DEPTOR: variants seen among roughly 807,000 people sequenced by gnomAD.
DEPTOR encodes DEP domain containing MTOR interacting protein, also known as DEP domain-containing mTOR-interacting protein.
In DEPTOR, 41 loss-of-function variants were observed where a neutral mutation model predicts 41.6. That is an observed-to-expected ratio of 0.98 (90% CI 0.77 to 1.28). The LOEUF is 1.28. Among genes scored for constraint, DEPTOR ranks in the 50% most tolerant of loss-of-function variants. The pLI, the probability that DEPTOR is intolerant of heterozygous loss-of-function variation, is 0.00. For synonymous variants in DEPTOR, 195 were observed against 192.3 expected (o/e 1.01, Z -0.12); for missense variants, 514 against 527.9 (o/e 0.97, Z 0.26).
At chr8:119,997,881 A>G (rs1812293963) in intron 4 of DEPTOR, among the ~76,000 whole-genome samples, 1 of 152,228 alleles carries the variant, frequency 6.6e-6, no homozygotes, top group Non-Finnish European at 1.5e-5. Flanking sequence ...TAAATGCGTT[A>G]ATATGATTCT....
chr8:119,984,916 G>A (rs1356773283), intron 4 of DEPTOR, among the ~76,000 whole-genome samples: 5 of 152,200 alleles, frequency 3.3e-5, no homozygotes. Flanking sequence ...GCTGGGCACA[G>A]TGGCTCATGC....
At chr8:120,012,640 A>G (rs969648054) in intron 8 of DEPTOR, among the ~76,000 whole-genome samples, 2 of 151,942 alleles carry the variant, frequency 1.3e-5, no homozygotes, top group African/African-American at 4.8e-5. Context: ...AGGTTCAAGC[A>G]ATTCTCCTGC....
At chr8:119,876,997 G>A (rs1444782596) in intron 1 of DEPTOR, among the ~76,000 whole-genome samples, 4 of 152,196 alleles carry the variant, frequency 2.6e-5, no homozygotes, top group Non-Finnish European at 5.9e-5. Context: ...GGGCAGGAAG[G>A]ATTGGGTGGT....
rs1182094330 is a variant in DEPTOR at position 120,006,813 on chromosome 8, A to T, written c.934A>T (p.Arg312Ter). The T allele has an allele frequency of 6.8e-6, 11 of 1,613,926 alleles. No homozygotes were observed. The highest frequency in any genetic ancestry group is 3.3e-5 in the Admixed American group (2 of 59,972). Residue 312 changes from arginine to a stop codon, truncating the protein, a stop_gained, in exon 7 of 9, where the codon AGA becomes TGA. Coordinates refer to ENST00000286234, the MANE Select transcript of DEPTOR (RefSeq NM_022783.4). LOFTEE classifies it high-confidence loss of function. ...TTGTGTTTGTCTGCCAGTGCTGAAG[A>T]GACCTGTCACCTCTGAGGAACTCCT... ...VLCNPKSVLK[R>*]PVTSEELLTP...
chr8:119,978,977 C>T (rs571631050), intron 4 of DEPTOR, among the ~76,000 whole-genome samples: 1 of 149,644 alleles, frequency 6.7e-6, no homozygotes, highest in Non-Finnish European at 1.5e-5. Context: ...TCCCTGCTCA[C>T]CCCCACTCCA....
At chr8:119,982,008 C>T (rs1252237170) in intron 4 of DEPTOR, among the ~76,000 whole-genome samples, 2 of 93,908 alleles carry the variant, frequency 2.1e-5, no homozygotes, top group Non-Finnish European at 3.9e-5. Flanking sequence ...TGTGAGATTC[C>T]ATCTCTAAAA....
At chr8:119,978,829 C>A (rs1828728080) in intron 4 of DEPTOR, among the ~76,000 whole-genome samples, 1 of 152,182 alleles carries the variant, frequency 6.6e-6, no homozygotes, top group African/African-American at 2.4e-5. Context: ...TGATTCTGAG[C>A]CGCTCACTAT....
At chr8:119,889,674 A>AGG (rs1563957808) in intron 1 of DEPTOR, among the ~76,000 whole-genome samples, 1 of 13,868 alleles carries the variant, frequency 7.2e-5, no homozygotes. Flanking sequence ...GGGAGGGGAG[A>AGG]GGAGGGGAGG....
At chr8:119,916,710 G>A (rs1359986238) in intron 1 of DEPTOR, among the ~76,000 whole-genome samples, 1 of 152,162 alleles carries the variant, frequency 6.6e-6, no homozygotes. Flanking sequence ...GACTTGTTCA[G>A]AAATTACATT....
Position 120,022,157 on chromosome 8 carries a change from T to TAAAAAAAA in DEPTOR, c.1101+13038_1101+13045dup, listed in dbSNP as rs34125548. The stretch of plus-strand genomic sequence containing the variant: ...TGGGTGACAGAGCGAGACCCCATCT[T>TAAAAAAAA]AAAAAAAAAAAAAAAAAAAAAGATG... On this transcript the variant is annotated intron_variant, in intron 8 of 8. Coordinates refer to ENST00000286234, the MANE Select transcript of DEPTOR (RefSeq NM_022783.4). Among the ~76,000 whole-genome samples the TAAAAAAAA allele has an allele frequency of 2.7e-4, 25 of 93,728 alleles. 1 individual carries two copies. The highest frequency in any genetic ancestry group is 7.9e-4 in the African/African-American group (20 of 25,272). The allele number at this position is 93,728 out of a possible 152,430, so 61.5% of individuals were successfully genotyped here. A position where few individuals can be genotyped will look rare whatever the true frequency, so the allele number is the denominator to read the frequency against.
At chr8:119,972,510 C>A (rs1377389159) in intron 4 of DEPTOR, among the ~76,000 whole-genome samples, 1 of 151,824 alleles carries the variant, frequency 6.6e-6, no homozygotes. Flanking sequence ...GTAGTCCCAG[C>A]TACTTGGGAG....
At chr8:120,027,986 G>C (rs1238253936) in intron 8 of DEPTOR, among the ~76,000 whole-genome samples, 1 of 152,146 alleles carries the variant, frequency 6.6e-6, no homozygotes, top group African/African-American at 2.4e-5. Flanking sequence ...GGAGCTTAGA[G>C]ACAGCCTACT....
chr8:120,001,395 C>G (rs1005549345), intron 4 of DEPTOR, 130 bp from the exon 5 acceptor site: 6 of 762,000 alleles, frequency 7.9e-6, no homozygotes, highest in Non-Finnish European at 1.2e-5. Flanking sequence ...GGCGGCAGCT[C>G]ATGTGGCATC....
At position 120,025,011 on chromosome 8, in the gene DEPTOR, G is replaced by A. The variant is rs186874414; in HGVS notation, c.1101+15878G>A. Among the ~76,000 whole-genome samples the A allele has an allele frequency of 3.9e-5, 6 of 152,254 alleles. No homozygotes were observed. The East Asian group carries it at 1.2e-3, about 29-fold the overall frequency. ...ATTTATTGATTACCTACCACATATA[G>A]TACACTGTGGCAGGTACTGAGGATC... On this transcript the variant is annotated intron_variant, in intron 8 of 8. Coordinates refer to ENST00000286234, the MANE Select transcript of DEPTOR (RefSeq NM_022783.4).
chr8:119,993,982 A>T (rs10113419), intron 4 of DEPTOR, among the ~76,000 whole-genome samples: 9 of 151,472 alleles, frequency 5.9e-5, no homozygotes, highest in Admixed American at 2.6e-4. Flanking sequence ...CACGGTGAAA[A>T]CCCATCTCTA....
intron 1 of DEPTOR, among the ~76,000 whole-genome samples, chr8:119,888,415 G>A (rs574623774): frequency 9.2e-5 from 14 of 152,188 alleles, no homozygotes; most frequent in Middle Eastern, 3.4e-3. Context: ...GAAAAGATTG[G>A]ATTATACATT....
rs1479077996 is a variant in DEPTOR at position 120,049,490 on chromosome 8, T to G, written c.1102-86T>G. 5 of 1,442,792 alleles carry G rather than the reference T, an allele frequency of 3.5e-6. No homozygotes were observed. The South Asian group carries it at 7.9e-5, about 23-fold the overall frequency. The allele number at this position is 1,442,792 out of a possible 1,614,324, so 89.4% of individuals were successfully genotyped here. On this transcript the variant is annotated intron_variant, in intron 8 of 8. Coordinates refer to ENST00000286234, the MANE Select transcript of DEPTOR (RefSeq NM_022783.4). ...TGGATATTTTAAGAATGAAGTTACCTGTTAGGGCTACACACTGTCTTTATT... is the reference window on the plus strand; with the variant it reads ...TGGATATTTTAAGAATGAAGTTACCGGTTAGGGCTACACACTGTCTTTATT...
At chr8:119,889,035 A>T (rs1009361281) in intron 1 of DEPTOR, among the ~76,000 whole-genome samples, 4 of 152,142 alleles carry the variant, frequency 2.6e-5, no homozygotes, top group African/African-American at 9.7e-5. Context: ...CATTATTCAT[A>T]TAATGAATTT....
At chr8:119,877,766 A>G (rs544521858) in intron 1 of DEPTOR, among the ~76,000 whole-genome samples, 6 of 152,362 alleles carry the variant, frequency 3.9e-5, no homozygotes, top group South Asian at 4.1e-4. Context: ...GAATGGGAAT[A>G]ATATCTTCCC....
Sources: allele counts gnomAD v4.1 joint callset (sites outside exome capture counted in the v4.1 genomes callset), GRCh38; gene constraint gnomAD v4.1.1; transcripts MANE v1.5; gene names NCBI Gene and HGNC (gene_info 2026-07-23, HGNC 2026-07-21).